SCPPPQ1: variants seen among roughly 807,000 people sequenced by gnomAD.
SCPPPQ1 encodes the protein secretory calcium-binding phosphoprotein proline-glutamine rich 1.
At chr4:87,470,725 A>C in the SCPPPQ1 span, among the ~76,000 whole-genome samples, 2 of 152,344 alleles carry the variant, frequency 1.3e-5, no homozygotes, top group Admixed American at 6.5e-5. Flanking sequence ...CCAGCATTTG[A>C]GGCAAGTTAT....
At chr4:87,461,662 T>C in the SCPPPQ1 span, among the ~76,000 whole-genome samples, 1 of 152,210 alleles carries the variant, frequency 6.6e-6, no homozygotes, top group Non-Finnish European at 1.5e-5. Context: ...TTTAAATATT[T>C]GGTGGCTAAA....
At chr4:87,462,604 A>C in the SCPPPQ1 span, among the ~76,000 whole-genome samples, 2 of 152,088 alleles carry the variant, frequency 1.3e-5, no homozygotes, top group Admixed American at 6.6e-5. Flanking sequence ...GCTTTTTGTT[A>C]AGATGTGTTA....
At chr4:87,468,719 T>C in the SCPPPQ1 span, among the ~76,000 whole-genome samples, 4 of 152,236 alleles carry the variant, frequency 2.6e-5, no homozygotes, top group African/African-American at 9.6e-5. Flanking sequence ...ATTGTGTTTT[T>C]AAGACACAGC....
chr4:87,463,344 T>A, the SCPPPQ1 span, among the ~76,000 whole-genome samples: 1 of 151,772 alleles, frequency 6.6e-6, no homozygotes, highest in African/African-American at 2.4e-5. Flanking sequence ...AAAAAAAAAT[T>A]TAGTAAGATG....
the SCPPPQ1 span, among the ~76,000 whole-genome samples, chr4:87,465,284 TACACAA>T: frequency 6.6e-6 from 1 of 152,156 alleles, no homozygotes; most frequent in African/African-American, 2.4e-5. Flanking sequence ...GGGTTTATTC[TACACAA>T]ATAAGGAAAG....
chr4:87,469,947 C>CTTT, the SCPPPQ1 span, among the ~76,000 whole-genome samples: 17 of 114,978 alleles, frequency 1.5e-4, no homozygotes, highest in Non-Finnish European at 2.1e-4. Context: ...ACACACAAAT[C>CTTT]TTTTTTTTTT....
chr4:87,463,610 A>C, the SCPPPQ1 span, among the ~76,000 whole-genome samples: 1 of 152,214 alleles, frequency 6.6e-6, no homozygotes, highest in African/African-American at 2.4e-5. Context: ...ACAAGATTTT[A>C]AAATGACAAT....
At chr4:87,469,771 GGTTTTGTAAGCCTACAAGAGTGTTTTTAA>G in the SCPPPQ1 span, among the ~76,000 whole-genome samples, 2 of 152,014 alleles carry the variant, frequency 1.3e-5, no homozygotes, top group Non-Finnish European at 2.9e-5. Flanking sequence ...TCCAAACATA[GGTTTTGTAAGCCTACAAGAGTGTTTTTAA>G]AAGCTTTGAA....
chr4:87,460,884 C>T, the SCPPPQ1 span: 1 of 152,700 alleles, frequency 6.5e-6, no homozygotes, highest in East Asian at 1.9e-4. Flanking sequence ...GGAGTTTTCA[C>T]TGGAACATGC....
the SCPPPQ1 span, among the ~76,000 whole-genome samples, chr4:87,468,739 GA>G: frequency 6.6e-6 from 1 of 152,148 alleles, no homozygotes; most frequent in African/African-American, 2.4e-5. Flanking sequence ...CTCAATTTCA[GA>G]GCTGCTGAAA....
the SCPPPQ1 span, among the ~76,000 whole-genome samples, chr4:87,465,559 CAAAA>C: frequency 0.011 from 1,040 of 98,110 alleles, 2 homozygotes; most frequent in African/African-American, 0.043. Flanking sequence ...TAGAAATCTA[CAAAA>C]AAAAAAAAAA....
the SCPPPQ1 span, among the ~76,000 whole-genome samples, chr4:87,467,282 T>C: frequency 0.015 from 2,308 of 152,318 alleles, 64 homozygotes; most frequent in African/African-American, 0.052. Context: ...GTGTTATATA[T>C]AGAATAAAGG....
chr4:87,466,839 G>A, the SCPPPQ1 span, among the ~76,000 whole-genome samples: 42,161 of 152,042 alleles, frequency 0.28, 7,157 homozygotes, highest in East Asian at 0.41. Context: ...TAGCCTGGGT[G>A]ACATAGTGAG....
At chr4:87,461,348 G>A in the SCPPPQ1 span, among the ~76,000 whole-genome samples, 1,232 of 152,294 alleles carry the variant, frequency 8.1e-3, 20 homozygotes, top group African/African-American at 0.028. Flanking sequence ...AAGGTTAAGA[G>A]TCTTTTATGA....
the SCPPPQ1 span, among the ~76,000 whole-genome samples, chr4:87,464,586 A>G: frequency 6.6e-6 from 1 of 152,120 alleles, no homozygotes; most frequent in African/African-American, 2.4e-5. Flanking sequence ...CGCCTGTAAT[A>G]CAGCACTTTT....
At chr4:87,460,866 G>A in the SCPPPQ1 span, 1 of 152,506 alleles carries the variant, frequency 6.6e-6, no homozygotes, top group Non-Finnish European at 1.5e-5. Flanking sequence ...CATTCTTTAT[G>A]GTTTTTTGGA....
chr4:87,467,800 C>A, the SCPPPQ1 span, among the ~76,000 whole-genome samples: 1 of 152,196 alleles, frequency 6.6e-6, no homozygotes, highest in Non-Finnish European at 1.5e-5. Flanking sequence ...TCCCCAAACC[C>A]ATGCTTACCA....
chr4:87,464,177 C>T, the SCPPPQ1 span, among the ~76,000 whole-genome samples: 2 of 151,890 alleles, frequency 1.3e-5, no homozygotes, highest in Admixed American at 6.6e-5. Context: ...ATATATTTAC[C>T]GCGATAAGAT....
chr4:87,462,428 A>T, the SCPPPQ1 span: 1 of 152,212 alleles, frequency 6.6e-6, no homozygotes, highest in South Asian at 2.1e-4. Context: ...TTTCTTAAAA[A>T]TATTAGAACA....
Sources: allele counts gnomAD v4.1 joint callset (sites outside exome capture counted in the v4.1 genomes callset), GRCh38; gene constraint gnomAD v4.1.1; transcripts MANE v1.5; gene names NCBI Gene and HGNC (gene_info 2026-07-23, HGNC 2026-07-21).